ROBO2: variants seen among roughly 807,000 people sequenced by gnomAD.
The protein encoded by ROBO2 is roundabout homolog 2.
A neutral mutation model predicts 160.8 loss-of-function variants in ROBO2; 53 were observed. The ratio of observed to expected loss-of-function variants is 0.33; its 90% CI spans 0.26 to 0.41. The LOEUF (loss-of-function observed/expected upper bound fraction) is 0.41, where lower values mean the gene tolerates loss of function less well. Among genes scored for constraint, ROBO2 ranks in the 10% least tolerant of loss-of-function variants. The probability of loss-of-function intolerance (pLI) is 1.00; values close to 1 mark genes in which losing one functional copy is unlikely to be tolerated. For synonymous variants in ROBO2, 664 were observed against 611.7 expected (o/e 1.09, Z -1.26); for missense variants, 1,577 against 1,722.4 (o/e 0.92, Z 1.49).
chr3:77,295,318 G>T (rs148653225), intron 2 of ROBO2, among the ~76,000 whole-genome samples: 1 of 148,752 alleles, frequency 6.7e-6, no homozygotes, highest in Non-Finnish European at 1.5e-5. Flanking sequence ...ACGGCTAAAC[G>T]GGTAAGCTGA....
At chr3:77,520,270 A>G (rs2090460642) in intron 5 of ROBO2, among the ~76,000 whole-genome samples, 1 of 151,376 alleles carries the variant, frequency 6.6e-6, no homozygotes, top group African/African-American at 2.4e-5. Flanking sequence ...AGAAGTACAC[A>G]TAGAATGAGA....
intron 2 of ROBO2, among the ~76,000 whole-genome samples, chr3:76,624,333 T>C (rs2109325094): frequency 6.6e-6 from 1 of 152,250 alleles, no homozygotes; most frequent in East Asian, 1.9e-4. Flanking sequence ...GGGTCAAAGT[T>C]ATGTTTGGGT....
intron 2 of ROBO2, among the ~76,000 whole-genome samples, chr3:77,323,043 G>C (rs1384704969): frequency 7.7e-5 from 10 of 129,804 alleles, no homozygotes; most frequent in Non-Finnish European, 1.4e-4. Context: ...ATTATATTAT[G>C]GATAATATAA....
At chr3:77,537,302 T>A (rs2092183052) in intron 6 of ROBO2, among the ~76,000 whole-genome samples, 1 of 152,146 alleles carries the variant, frequency 6.6e-6, no homozygotes, top group Non-Finnish European at 1.5e-5. Context: ...GGTTCTGATA[T>A]TATATGAACC....
intron 2 of ROBO2, among the ~76,000 whole-genome samples, chr3:76,092,284 G>C (rs1310952854): frequency 1.3e-5 from 2 of 152,124 alleles, no homozygotes; most frequent in African/African-American, 4.8e-5. Context: ...ATTTGAAATT[G>C]TTAAAATTTA....
chr3:77,343,282 A>C (rs2067270408), intron 2 of ROBO2, among the ~76,000 whole-genome samples: 1 of 152,140 alleles, frequency 6.6e-6, no homozygotes, highest in Non-Finnish European at 1.5e-5. Flanking sequence ...AGAAGAGAGG[A>C]CTGAATTTTT....
At chr3:76,648,276 A>C (rs990413732) in intron 2 of ROBO2, among the ~76,000 whole-genome samples, 2 of 152,192 alleles carry the variant, frequency 1.3e-5, no homozygotes, top group African/African-American at 4.8e-5. Flanking sequence ...AAAAAGATAT[A>C]AATTTTCCTA....
At chr3:76,625,649 C>G (rs1040979208) in intron 2 of ROBO2, among the ~76,000 whole-genome samples, 1 of 152,070 alleles carries the variant, frequency 6.6e-6, no homozygotes, top group Non-Finnish European at 1.5e-5. Context: ...AAAGATATTC[C>G]TGGCAGAGCA....
rs113706383 is a variant in ROBO2, at chr3:76,135,807, A to AT, written c.109+198211dup. Among the ~76,000 whole-genome samples the AT allele has an allele frequency of 3.7e-3, 567 of 152,202 alleles. 3 individuals are homozygous for AT. The highest frequency in any genetic ancestry group is 0.013 in the African/African-American group (552 of 41,540). Reference sequence around the variant, plus strand: ...AAGGACATCTAAATAGCACTTTACAATTTTTTCTTTTGAACAACAAAAAAT... The same window carrying AT: ...AAGGACATCTAAATAGCACTTTACAATTTTTTTCTTTTGAACAACAAAAAAT... On this transcript the variant is annotated intron_variant, in intron 2 of 26. Coordinates refer to the ROBO2 transcript ENST00000487694.
At chr3:75,987,997 TG>T (rs749682956) in intron 2 of ROBO2, among the ~76,000 whole-genome samples, 27 of 151,848 alleles carry the variant, frequency 1.8e-4, no homozygotes, top group Non-Finnish European at 3.4e-4. Flanking sequence ...CTTGTTTTTT[TG>T]TTTTTTGCAA....
At chr3:76,597,098 T>C (rs1006262091) in intron 2 of ROBO2, among the ~76,000 whole-genome samples, 2 of 152,074 alleles carry the variant, frequency 1.3e-5, no homozygotes, top group Non-Finnish European at 2.9e-5. Context: ...ACCTCTATCT[T>C]TTATAAACAG....
intron 16 of ROBO2, 97 bp from the exon 18 acceptor site, chr3:77,588,654 C>A: frequency 8.8e-7 from 1 of 1,133,262 alleles, no homozygotes; most frequent in Non-Finnish European, 1.3e-6. Context: ...GCATTTCCTG[C>A]CTTCAAATAA....
intron 2 of ROBO2, among the ~76,000 whole-genome samples, chr3:76,000,519 C>A (rs1043766535): frequency 2.1e-5 from 3 of 144,516 alleles, no homozygotes; most frequent in African/African-American, 7.7e-5. Context: ...GACGGACTCT[C>A]ACTCTGTCCC....
At chr3:77,035,058 G>A (rs1357085599), upstream of ROBO2, among the ~76,000 whole-genome samples, 1 of 151,938 alleles carries the variant, frequency 6.6e-6, no homozygotes, top group Non-Finnish European at 1.5e-5. Context: ...GTTAATGACT[G>A]AAGTTGTACT....
At chr3:76,299,582 G>T (rs1426481960) in intron 2 of ROBO2, among the ~76,000 whole-genome samples, 2 of 152,128 alleles carry the variant, frequency 1.3e-5, no homozygotes, top group African/African-American at 4.8e-5. Context: ...GCAAGATTTT[G>T]AGAAAAGATA....
chr3:76,330,999 G>A lies in ROBO2; in HGVS notation c.109+393397G>A, dbSNP rs546320426. ...CATTCATTACTTATAACAAGTTTTA[G>A]TATATATATGAATCAAATGTTGTTT... On this transcript the variant is annotated intron_variant, in intron 2 of 26. Coordinates refer to the ROBO2 transcript ENST00000487694. Among the ~76,000 whole-genome samples, 4 of 152,218 alleles carry A rather than the reference G, an allele frequency of 2.6e-5. No homozygotes were observed. In the South Asian group the frequency reaches 6.2e-4, roughly 24 times the overall value.
At chr3:77,283,399 G>T (rs970389553) in intron 2 of ROBO2, among the ~76,000 whole-genome samples, 9 of 152,256 alleles carry the variant, frequency 5.9e-5, no homozygotes, top group African/African-American at 2.2e-4. Context: ...CAGAATGTTT[G>T]TTTTAAAAAT....
At chr3:76,085,425 C>T (rs1245996551) in intron 2 of ROBO2, among the ~76,000 whole-genome samples, 4 of 152,068 alleles carry the variant, frequency 2.6e-5, no homozygotes, top group African/African-American at 7.2e-5. Flanking sequence ...CAAAAAACCA[C>T]AAGCACTGCA....
intron 2 of ROBO2, among the ~76,000 whole-genome samples, chr3:77,457,479 C>A (rs2081785263): frequency 6.6e-6 from 1 of 152,026 alleles, no homozygotes; most frequent in Non-Finnish European, 1.5e-5. Flanking sequence ...TAAGGAGTTA[C>A]TTTTTGTGTT....
Sources: allele counts gnomAD v4.1 joint callset (sites outside exome capture counted in the v4.1 genomes callset), GRCh38; gene constraint gnomAD v4.1.1; transcripts MANE v1.5; gene names NCBI Gene and HGNC (gene_info 2026-07-23, HGNC 2026-07-21).